The following LRSAM1 variants were observed in gnomAD, a reference collection of about 807,000 sequenced individuals.
LRSAM1 encodes the protein leucine rich repeat and sterile alpha motif containing 1, also known as E3 ubiquitin-protein ligase LRSAM1.
LRSAM1 carries 96 observed loss-of-function variants against 118.1 expected under a neutral mutation model. The ratio of observed to expected loss-of-function variants is 0.81; its 90% CI spans 0.69 to 0.96. The LOEUF is 0.96. Among genes scored for constraint, LRSAM1 ranks in the 40% least tolerant of loss-of-function variants. The probability of loss-of-function intolerance (pLI) is 0.00; values close to 1 mark genes in which losing one functional copy is unlikely to be tolerated. For missense variants in LRSAM1, 804 were observed against 915.5 expected (o/e 0.88, Z 1.57); for synonymous variants, 322 against 364.2 (o/e 0.88, Z 1.32).
rs1836463789 is a variant in LRSAM1, at chr9:127,503,211, C to T, written c.*312C>T. The T allele has an allele frequency of 9.7e-6, 4 of 413,602 alleles. No individual in the cohort carries two copies. The East Asian group carries it at 2.1e-4, about 22-fold the overall frequency. The allele number at this position is 413,602 out of a possible 1,614,324, so 25.6% of individuals were successfully genotyped here. ...ATCTGCTGCCTCCCAGCTGTCTTGA[C>T]TGAAGGCCACCGCCCCTGCAGGAGC... is the stretch of plus-strand genomic sequence containing the variant. On this transcript the variant is annotated 3_prime_UTR_variant, in exon 26 of 26. Coordinates refer to ENST00000300417, the MANE Select transcript of LRSAM1 (RefSeq NM_001005373.4).
In LRSAM1 at chr9:127,476,252, C is replaced by T. The variant is rs945084652; in HGVS notation, c.750+2321C>T. Reference sequence around the variant, plus strand: ...GAGATGGAGCATTTGAGCCTCGGCTCGCTGGGACACATGGATTAGTGAAAA... The same window carrying T: ...GAGATGGAGCATTTGAGCCTCGGCTTGCTGGGACACATGGATTAGTGAAAA... On this transcript the variant is annotated intron_variant, in intron 11 of 25. Transcript: ENST00000300417. 3.3e-5 allele frequency among the ~76,000 whole-genome samples: 5 copies of T among 152,104 alleles called. No individual in the cohort carries two copies. The South Asian group carries it at 1.0e-3, about 32-fold the overall frequency.
intron 20 of LRSAM1, 27 bp downstream of exon 20, chr9:127,491,322 T>G (rs760992826): frequency 1.3e-6 from 2 of 1,588,042 alleles, no homozygotes; most frequent in African/African-American, 2.7e-5. Flanking sequence ...GCCCCTGCCC[T>G]CCTTCACGTG....
At chr9:127,497,118 CAGGCCCCGGA>C in intron 23 of LRSAM1, 125 bp from the exon 24 acceptor site, 1 of 868,410 alleles carries the variant, frequency 1.2e-6, no homozygotes, top group Admixed American at 2.0e-5. Flanking sequence ...TGGGCCCCGC[CAGGCCCCGGA>C]AGGCTTCCAC....
In LRSAM1 at chr9:127,483,006, G is replaced by A. The variant is rs369596799; in HGVS notation, c.1145G>A (p.Arg382Gln). Residue 382 changes from arginine to glutamine, a missense_variant, in exon 16 of 26, where the codon CGA (arginine) becomes CAA (glutamine). By Grantham distance (43) the Arg-to-Gln change is conservative. Transcript: ENST00000300417. Reference protein sequence around the residue: ...ITQEETESLRRRDVASAMQQM... With the variant: ...ITQEETESLRQRDVASAMQQM... ...CAGGAGGAGACTGAGAGCCTGCGGCGACGTGACGTTGCCTGTGAGTTTTGG... is the reference window on the plus strand; with the variant it reads ...CAGGAGGAGACTGAGAGCCTGCGGCAACGTGACGTTGCCTGTGAGTTTTGG... 1.2e-5 allele frequency: 19 copies of A among 1,598,198 alleles called. No homozygotes were observed. The highest frequency in any genetic ancestry group is 8.0e-5 in the African/African-American group (6 of 74,724).
intron 12 of LRSAM1, 92 bp downstream of exon 12, chr9:127,479,055 G>C: frequency 2.9e-6 from 4 of 1,399,192 alleles, no homozygotes; most frequent in Admixed American, 1.7e-5. Flanking sequence ...CTTCTTCCCA[G>C]CTCAGAATTA....
chr9:127,461,883 T>A (rs148069846), intron 8 of LRSAM1, among the ~76,000 whole-genome samples: 7 of 152,280 alleles, frequency 4.6e-5, no homozygotes, highest in African/African-American at 1.7e-4. Context: ...ATATGAGTAA[T>A]GAGAACAACA....
intron 10 of LRSAM1, among the ~76,000 whole-genome samples, chr9:127,472,893 CCT>C (rs1205853691): frequency 2.0e-5 from 3 of 152,114 alleles, no homozygotes; most frequent in Non-Finnish European, 4.4e-5. Flanking sequence ...TGAACTGACA[CCT>C]CTCTGTCACC....
chr9:127,472,294 G>C (rs1369006998), intron 10 of LRSAM1, among the ~76,000 whole-genome samples: 2 of 120,010 alleles, frequency 1.7e-5, no homozygotes, highest in Non-Finnish European at 1.8e-5. Context: ...AAACTATGTA[G>C]AAGTATATAT....
At chr9:127,479,543 T>G (rs1539569) in intron 13 of LRSAM1, 38 bp downstream of exon 13, 1 of 1,610,252 alleles carries the variant, frequency 6.2e-7, no homozygotes, top group Non-Finnish European at 8.5e-7. Flanking sequence ...CCTGGCTGCA[T>G]CCCCCAGCCA....
chr9:127,454,676 C>T, intron 3 of LRSAM1, 77 bp downstream of exon 3: 1 of 1,425,302 alleles, frequency 7.0e-7, no homozygotes, highest in Non-Finnish European at 9.8e-7. Context: ...CGCACTGCCC[C>T]CAACAAGCCG....
Position 127,503,138 on chromosome 9 carries a change from C to T in LRSAM1, c.*239C>T. 2 of 570,144 alleles carry T rather than the reference C, an allele frequency of 3.5e-6. No homozygotes were observed. Among genetic ancestry groups the T allele is most frequent in the Non-Finnish European group, 6.2e-6 (2 of 320,648 alleles). 35.3% of individuals were successfully genotyped at this position (570,144 alleles called of 1,614,324 possible). A position where few individuals can be genotyped will look rare whatever the true frequency, so the allele number is the denominator to read the frequency against. ...CTGGGGGCTGGGGCTGGAGAGGCCGCTGCACCACCACCCGAGCCTGGGAGC... is the reference window on the plus strand; with the variant it reads ...CTGGGGGCTGGGGCTGGAGAGGCCGTTGCACCACCACCCGAGCCTGGGAGC... On this transcript the variant is annotated 3_prime_UTR_variant, in exon 26 of 26. Transcript: ENST00000300417.
At chr9:127,453,964 T>C in intron 2 of LRSAM1, 1 of 180,356 alleles carries the variant, frequency 5.5e-6, no homozygotes, top group South Asian at 9.4e-5. Context: ...AGTCCCTGGC[T>C]CCATGGAACT....
At chr9:127,498,802 T>C (rs1836254631) in intron 24 of LRSAM1, among the ~76,000 whole-genome samples, 1 of 152,130 alleles carries the variant, frequency 6.6e-6, no homozygotes, top group Non-Finnish European at 1.5e-5. Flanking sequence ...CTCACACCTG[T>C]AATCCCAGCA....
At position 127,491,308 on chromosome 9, in the gene LRSAM1, C is replaced by T. The variant is rs893828411; in HGVS notation, c.1503+13C>T. ...AGAGTCACTCCAGGTATGTAGGGCT[C>T]CCTGCCCCTGCCCTCCTTCACGTGG... On this transcript the variant is annotated intron_variant, in intron 20 of 25. Coordinates refer to ENST00000300417, the MANE Select transcript of LRSAM1 (RefSeq NM_001005373.4). 6.2e-6 allele frequency: 10 copies of T among 1,604,440 alleles called. No homozygotes were observed. The highest frequency in any genetic ancestry group is 7.7e-6 in the Non-Finnish European group (9 of 1,172,096).
At chr9:127,484,704 G>T (rs1040756028) in intron 16 of LRSAM1, among the ~76,000 whole-genome samples, 3 of 151,504 alleles carry the variant, frequency 2.0e-5, no homozygotes, top group African/African-American at 7.3e-5. Flanking sequence ...AATGTGGGTT[G>T]TTTCCACTTT....
chr9:127,501,183 G>A (rs1465050475), intron 25 of LRSAM1, 40 bp downstream of exon 25: 7 of 1,606,472 alleles, frequency 4.4e-6, no homozygotes, highest in Non-Finnish European at 5.9e-6. Context: ...CCCTGCCTGT[G>A]GCCACCCTCC....
rs745690669 is a variant in LRSAM1 at position 127,489,524 on chromosome 9, C to T, written c.1422+6C>T. The stretch of plus-strand genomic sequence containing the variant: ...ATCGGCAGATCAGGAGCCAGGTGAG[C>T]GCTGGGGCTGGGGTCCCTGGACCTG... On this transcript the variant is annotated splice_donor_region_variant and intron_variant, in intron 19 of 25. Coordinates refer to ENST00000300417, the MANE Select transcript of LRSAM1 (RefSeq NM_001005373.4). The T allele has an allele frequency of 5.5e-5, 89 of 1,604,852 alleles. No homozygotes were observed. Among genetic ancestry groups the T allele is most frequent in the Non-Finnish European group, 5.5e-5 (65 of 1,176,984 alleles).
rs769238014 is a variant in LRSAM1, at chr9:127,496,010, C to T, written c.1745C>T (p.Ser582Leu). The T allele has an allele frequency of 8.7e-6, 14 of 1,612,622 alleles. No homozygotes were observed. Among genetic ancestry groups the T allele is most frequent in the South Asian group, 1.1e-5 (1 of 90,972 alleles). ...CTGGTGGCCCTCCTGGAGGAGCTGT[C>T]GGCTGAGCACTACCTGCCCATCTTT... ...RQLVALLEEL[S>L]AEHYLPIFAH... The change falls in exon 23 of 26, where the codon TCG becomes TTG. Residue 582 changes from serine to leucine, a missense_variant. By Grantham distance (145) the Ser-to-Leu change is moderately radical. Transcript: ENST00000300417.
intron 18 of LRSAM1, among the ~76,000 whole-genome samples, chr9:127,488,375 C>T (rs778936024): frequency 1.3e-5 from 2 of 152,074 alleles, no homozygotes; most frequent in African/African-American, 2.4e-5. Flanking sequence ...GATTCTCCTG[C>T]CTCAGCCTCC....
Sources: gnomAD v4.1 joint callset for allele counts (sites outside exome capture counted in the v4.1 genomes callset) on GRCh38, gnomAD v4.1.1 for gene constraint, MANE v1.5 for transcripts, NCBI Gene and HGNC (gene_info 2026-07-23, HGNC 2026-07-21) for gene names.